The following DNAH12 variants were observed in gnomAD, a reference collection of about 807,000 sequenced individuals.
DNAH12 encodes the protein axonemal beta dynein heavy chain 12.
Under a neutral mutation model 371.5 loss-of-function variants are expected in DNAH12, and 285 were observed. That is an observed-to-expected ratio of 0.77 (90% CI 0.70 to 0.85). The LOEUF (loss-of-function observed/expected upper bound fraction) is 0.85, where lower values mean the gene tolerates loss of function less well. Ranked by LOEUF, DNAH12 falls within the 40% of genes least tolerant of loss-of-function variation. The probability of loss-of-function intolerance (pLI) is 0.00; values close to 1 mark genes in which losing one functional copy is unlikely to be tolerated. For synonymous variants in DNAH12, 1,200 were observed against 1,213.0 expected (o/e 0.99, Z 0.22); for missense variants, 3,611 against 3,689.4 (o/e 0.98, Z 0.55).
chr3:57,447,798 C>T (rs1314032909), intron 25 of DNAH12, among the ~76,000 whole-genome samples: 30 of 152,100 alleles, frequency 2.0e-4, no homozygotes, highest in Admixed American at 1.8e-3. Flanking sequence ...CTCAGCCTCC[C>T]GAGTAGCGAG....
chr3:57,413,670 G>A lies in DNAH12; in HGVS notation c.6020+76C>T, dbSNP rs1277733180. ...CTTTTCCCTAAATATCTTGAAAAATGTATTATTTTACTTTAAAAACCTAAA... is the reference window on the plus strand; with the variant it reads ...CTTTTCCCTAAATATCTTGAAAAATATATTATTTTACTTTAAAAACCTAAA... On this transcript the variant is annotated intron_variant, in intron 39 of 73. Coordinates refer to ENST00000495027, the MANE Select transcript of DNAH12 (RefSeq NM_001366028.2). The A allele has an allele frequency of 2.8e-6, 4 of 1,408,358 alleles. No homozygotes were observed. The African/African-American group carries it at 5.8e-5, about 21-fold the overall frequency. 87.2% of individuals were successfully genotyped at this position (1,408,358 alleles called of 1,614,324 possible).
chr3:57,470,111 T>C (rs1183855948), intron 16 of DNAH12, among the ~76,000 whole-genome samples: 1 of 152,034 alleles, frequency 6.6e-6, no homozygotes, highest in Non-Finnish European at 1.5e-5. Flanking sequence ...GAAACCAAAA[T>C]GACAACTCAT....
chr3:57,347,178 C>T (rs2062562705), intron 60 of DNAH12, among the ~76,000 whole-genome samples: 1 of 152,028 alleles, frequency 6.6e-6, no homozygotes, highest in Non-Finnish European at 1.5e-5. Context: ...AACTACAATC[C>T]AAAATCTCTC....
upstream of DNAH12, among the ~76,000 whole-genome samples, chr3:57,548,645 G>A (rs1401464549): frequency 6.6e-6 from 1 of 152,146 alleles, no homozygotes; most frequent in Non-Finnish European, 1.5e-5. Context: ...GGTCGAGGCT[G>A]CAGTAAGCCA....
rs556830617 is a variant in DNAH12 at position 57,404,853 on chromosome 3, T to C, written c.6755+116A>G. ...CTAATATTTTATGTTTTATGCTGGA[T>C]AATGGGTACAAAGTCATTCACTGTA... On this transcript the variant is annotated intron_variant, in intron 42 of 73. Transcript: ENST00000495027. 2.6e-5 allele frequency: 24 copies of C among 909,766 alleles called. 1 individual carries two copies. The South Asian group carries it at 7.5e-4, about 28-fold the overall frequency. 56.4% of individuals were successfully genotyped at this position (909,766 alleles called of 1,614,324 possible). A position where few individuals can be genotyped will look rare whatever the true frequency, so the allele number is the denominator to read the frequency against.
intron 2 of DNAH12, among the ~76,000 whole-genome samples, chr3:57,526,346 A>T (rs2068644439): frequency 6.6e-6 from 1 of 152,060 alleles, no homozygotes; most frequent in Admixed American, 6.6e-5. Flanking sequence ...TTATGGCTGA[A>T]TGGTACTCCA....
intron 59 of DNAH12, among the ~76,000 whole-genome samples, chr3:57,353,600 A>G (rs2062734036): frequency 1.3e-5 from 2 of 152,200 alleles, no homozygotes; most frequent in South Asian, 2.1e-4. Context: ...CAGCCTACAC[A>G]ATGGGAGAAA....
chr3:57,475,282 G>A (rs1189660513), intron 13 of DNAH12, among the ~76,000 whole-genome samples: 2 of 152,014 alleles, frequency 1.3e-5, no homozygotes, highest in Non-Finnish European at 2.9e-5. Flanking sequence ...CCATTTAACT[G>A]CACTAAAATT....
At chr3:57,401,811 G>A (rs1553678842) in intron 43 of DNAH12, among the ~76,000 whole-genome samples, 1 of 151,988 alleles carries the variant, frequency 6.6e-6, no homozygotes, top group African/African-American at 2.4e-5. Context: ...GCACACTCTG[G>A]TAGCACAACC....
Position 57,314,700 on chromosome 3 carries a change from T to C in DNAH12, c.10525-69A>G, listed in dbSNP as rs1309375355. The stretch of plus-strand genomic sequence containing the variant: ...GATTCCATCAGTAAAATGAGAGGAA[T>C]AGATAAATGATCTTTCTCACAAGAT... On this transcript the variant is annotated intron_variant, in intron 65 of 73. Coordinates refer to ENST00000495027, the MANE Select transcript of DNAH12 (RefSeq NM_001366028.2). The C allele has an allele frequency of 2.9e-5, 42 of 1,434,458 alleles. No individual in the cohort carries two copies. In the East Asian group the frequency reaches 9.0e-4, roughly 31 times the overall value. 88.9% of individuals were successfully genotyped at this position (1,434,458 alleles called of 1,614,324 possible). A position where few individuals can be genotyped will look rare whatever the true frequency, so the allele number is the denominator to read the frequency against.
At chr3:57,441,594 C>T (rs2065306780) in intron 29 of DNAH12, among the ~76,000 whole-genome samples, 1 of 152,006 alleles carries the variant, frequency 6.6e-6, no homozygotes, top group South Asian at 2.1e-4. Flanking sequence ...GAGCTTGATA[C>T]CAACCTGAGC....
At chr3:57,414,794 A>G (rs141709636) in intron 38 of DNAH12, among the ~76,000 whole-genome samples, 178 of 152,358 alleles carry the variant, frequency 1.2e-3, no homozygotes, top group African/African-American at 4.0e-3. Flanking sequence ...AAGGAGTTCT[A>G]AATTTGTAAG....
intron 11 of DNAH12, among the ~76,000 whole-genome samples, chr3:57,499,648 AT>A (rs1456459154): frequency 0.025 from 523 of 21,182 alleles, 21 homozygotes; most frequent in African/African-American, 0.079. Flanking sequence ...AAAAAAAAAA[AT>A]ATATATATAT....
intron 17 of DNAH12, among the ~76,000 whole-genome samples, chr3:57,465,803 AAC>A (rs1415896900): frequency 6.6e-6 from 1 of 152,194 alleles, no homozygotes; most frequent in Non-Finnish European, 1.5e-5. Flanking sequence ...GGTAAGTTAA[AAC>A]AGTTTACAGG....
At chr3:57,404,775 A>G (rs1341060528) in intron 42 of DNAH12, among the ~76,000 whole-genome samples, 194 bp downstream of exon 42, 2 of 152,190 alleles carry the variant, frequency 1.3e-5, no homozygotes, top group Non-Finnish European at 2.9e-5. Flanking sequence ...TACTCGTATG[A>G]CACAGGATGC....
intron 71 of DNAH12, 151 bp downstream of exon 71, chr3:57,296,696 T>A: frequency 1.0e-6 from 1 of 962,844 alleles, no homozygotes; most frequent in Non-Finnish European, 1.5e-6. Flanking sequence ...AATATTGCAA[T>A]ATATAAAAGT....
chr3:57,533,354 C>T (rs192661463), intron 2 of DNAH12, among the ~76,000 whole-genome samples: 66 of 152,254 alleles, frequency 4.3e-4, no homozygotes, highest in African/African-American at 9.9e-4. Flanking sequence ...CTACCTAAGA[C>T]GCAAAACAAA....
chr3:57,352,195 T>C lies in DNAH12; in HGVS notation c.9564A>G (p.Leu3188=). The change falls in exon 60 of 74, where the codon CTA becomes CTG. Residue 3188 remains leucine (L), a synonymous_variant. Transcript: ENST00000495027. ...SNKSKILEKR[L]RYLNDHFTYN... is the part of the protein sequence containing the mutation. ...ATGTGAAGTGGTCATTTAAATATCG[T>C]AGGCGCTTTTCCAAAATCTTGGATT... 1.3e-6 allele frequency: 2 copies of C among 1,537,038 alleles called. No individual in the cohort carries two copies. Among genetic ancestry groups the C allele is most frequent in the African/African-American group, 1.4e-5 (1 of 72,158 alleles).
intron 12 of DNAH12, among the ~76,000 whole-genome samples, chr3:57,485,932 C>T (rs897818895): frequency 6.6e-6 from 1 of 151,928 alleles, no homozygotes; most frequent in Admixed American, 6.6e-5. Flanking sequence ...CGCTAAATAA[C>T]TTAACTGCTA....
Sources: gnomAD v4.1 joint callset for allele counts (sites outside exome capture counted in the v4.1 genomes callset) on GRCh38, gnomAD v4.1.1 for gene constraint, MANE v1.5 for transcripts, NCBI Gene and HGNC (gene_info 2026-07-23, HGNC 2026-07-21) for gene names.